ETV6: variants seen among roughly 807,000 people sequenced by gnomAD.
ETV6 encodes ETS variant transcription factor 6.
A neutral mutation model predicts 51.1 loss-of-function variants in ETV6; 16 were observed. The observed-to-expected ratio is 0.31, with a 90% CI of 0.21 to 0.48. The LOEUF (loss-of-function observed/expected upper bound fraction) is 0.48. ETV6 is among the 20% of genes least tolerant of loss of function. The probability of loss-of-function intolerance (pLI) is 0.99; values close to 1 mark genes in which losing one functional copy is unlikely to be tolerated. For synonymous variants in ETV6, 240 were observed against 224.1 expected (o/e 1.07, Z -0.64); for missense variants, 458 against 594.8 (o/e 0.77, Z 2.39).
intron 2 of ETV6, among the ~76,000 whole-genome samples, chr12:11,793,858 T>A (rs900358778): frequency 6.6e-6 from 1 of 152,206 alleles, no homozygotes; most frequent in Non-Finnish European, 1.5e-5. Flanking sequence ...TACTCTTGCC[T>A]CAGCAGCAGA....
chr12:11,812,201 T>C (rs1287464632), intron 2 of ETV6, among the ~76,000 whole-genome samples: 1 of 152,176 alleles, frequency 6.6e-6, no homozygotes, highest in East Asian at 1.9e-4. Flanking sequence ...TTTGGAGAAA[T>C]TGACCGCGTG....
intron 5 of ETV6, among the ~76,000 whole-genome samples, chr12:11,879,527 C>T (rs1737947778): frequency 6.6e-6 from 1 of 152,122 alleles, no homozygotes; most frequent in Non-Finnish European, 1.5e-5. Context: ...TCTCCTTAAC[C>T]ACAGGAAGGG....
chr12:11,658,110 T>C (rs1710431841), intron 1 of ETV6, among the ~76,000 whole-genome samples: 1 of 152,206 alleles, frequency 6.6e-6, no homozygotes, highest in African/African-American at 2.4e-5. Context: ...CTTTATACTG[T>C]TAAAAAGTTA....
intron 2 of ETV6, among the ~76,000 whole-genome samples, chr12:11,771,576 G>A (rs574668227): frequency 3.9e-5 from 6 of 152,222 alleles, no homozygotes; most frequent in South Asian, 4.1e-4. Flanking sequence ...TCAACATGGC[G>A]CCAATGACAA....
At chr12:11,811,227 T>C (rs910872159) in intron 2 of ETV6, among the ~76,000 whole-genome samples, 1 of 152,204 alleles carries the variant, frequency 6.6e-6, no homozygotes, top group Non-Finnish European at 1.5e-5. Context: ...ACCGGACTCA[T>C]TTCGAATCTA....
chr12:11,716,330 C>CAAAAAAAAAAAAA (rs3049068), intron 1 of ETV6, among the ~76,000 whole-genome samples: 4 of 58,096 alleles, frequency 6.9e-5, no homozygotes, highest in African/African-American at 2.5e-4. Flanking sequence ...GACTCCTTCT[C>CAAAAAAAAAAAAA]AAAAAAAAAA....
At chr12:11,752,408 GTC>G in intron 1 of ETV6, 40 bp from the exon 2 acceptor site, 1 of 1,579,826 alleles carries the variant, frequency 6.3e-7, no homozygotes, top group Non-Finnish European at 8.6e-7. Context: ...AGCTTTCATT[GTC>G]TCTCTCCCCC....
In ETV6 at chr12:11,725,161, G is replaced by GT. The variant is rs34358923; in HGVS notation, c.34-27275dup. 3.2e-3 allele frequency among the ~76,000 whole-genome samples: 461 copies of GT among 143,418 alleles called. 5 individuals are homozygous for GT. Among genetic ancestry groups the GT allele is most frequent in the Middle Eastern group, 0.015 (4 of 266 alleles). 94.1% of individuals were successfully genotyped at this position (143,418 alleles called of 152,430 possible). On this transcript the variant is annotated intron_variant, in intron 1 of 7. Transcript: ENST00000396373. Reference sequence around the variant, plus strand: ...TTAAGACTTATCTTTCTTTTTAGCTGTTTTTTTTTTTTTTCCACTCAACTT... The same window carrying GT: ...TTAAGACTTATCTTTCTTTTTAGCTGTTTTTTTTTTTTTTTCCACTCAACTT...
chr12:11,691,110 G>C (rs113862965), intron 1 of ETV6, among the ~76,000 whole-genome samples: 94 of 152,144 alleles, frequency 6.2e-4, no homozygotes, highest in African/African-American at 2.2e-3. Flanking sequence ...ACTTCTCACT[G>C]TGTCCTCACA....
intron 2 of ETV6, among the ~76,000 whole-genome samples, chr12:11,781,758 G>A (rs1945417811): frequency 6.6e-6 from 1 of 152,070 alleles, no homozygotes. Flanking sequence ...TTTTATTTAA[G>A]TTGGCTGAGG....
intron 1 of ETV6, among the ~76,000 whole-genome samples, chr12:11,681,251 T>G (rs113920732): frequency 3.4e-4 from 52 of 152,358 alleles, no homozygotes; most frequent in African/African-American, 1.3e-3. Context: ...TTTCTTTCCC[T>G]TACAGTGTAC....
At chr12:11,703,031 G>A (rs566864274) in intron 1 of ETV6, among the ~76,000 whole-genome samples, 4 of 152,252 alleles carry the variant, frequency 2.6e-5, no homozygotes, top group East Asian at 1.9e-4. Context: ...ACCTGAGTCC[G>A]GAGAGGTTGA....
intron 2 of ETV6, among the ~76,000 whole-genome samples, chr12:11,789,631 T>C (rs1044058209): frequency 3.3e-5 from 5 of 152,220 alleles, no homozygotes; most frequent in Non-Finnish European, 5.9e-5. Flanking sequence ...GTCTGAAGAA[T>C]GTCTTTCTTC....
intron 2 of ETV6, among the ~76,000 whole-genome samples, chr12:11,836,478 G>A (rs532547378): frequency 1.8e-4 from 28 of 152,238 alleles, no homozygotes; most frequent in South Asian, 6.2e-4. Context: ...CATTTGCATC[G>A]GTTCCTGGTG....
chr12:11,769,402 T>C (rs1945208018), intron 2 of ETV6, among the ~76,000 whole-genome samples: 1 of 152,032 alleles, frequency 6.6e-6, no homozygotes. Flanking sequence ...AATTCACTTC[T>C]ATTTAAAACA....
chr12:11,788,756 G>GTTTTTTTT (rs1336998892), intron 2 of ETV6, among the ~76,000 whole-genome samples: 5 of 102,464 alleles, frequency 4.9e-5, no homozygotes, highest in East Asian at 4.0e-4. Flanking sequence ...GCTTGTATTG[G>GTTTTTTTT]TTTTTTTTTT....
chr12:11,784,213 T>G (rs1333410759), intron 2 of ETV6, among the ~76,000 whole-genome samples: 1 of 152,134 alleles, frequency 6.6e-6, no homozygotes, highest in Non-Finnish European at 1.5e-5. Flanking sequence ...GCGGATCACT[T>G]GAGATCAGGA....
chr12:11,751,842 G>A, intron 1 of ETV6: 1 of 510,062 alleles, frequency 2.0e-6, no homozygotes, highest in Admixed American at 2.0e-5. Context: ...TCCTAGCAAT[G>A]AAGGAAAAAA....
chr12:11,726,320 G>T (rs1303900487), intron 1 of ETV6, among the ~76,000 whole-genome samples: 1 of 152,208 alleles, frequency 6.6e-6, no homozygotes, highest in Non-Finnish European at 1.5e-5. Context: ...AACAGTACCA[G>T]ATATCCTTGG....
Sources: gnomAD v4.1 joint callset for allele counts (sites outside exome capture counted in the v4.1 genomes callset) on GRCh38, gnomAD v4.1.1 for gene constraint, MANE v1.5 for transcripts, NCBI Gene and HGNC (gene_info 2026-07-23, HGNC 2026-07-21) for gene names.